Variants in ATP13A2 observed in about 807,000 individuals in gnomAD.
The protein encoded by ATP13A2 is ATPase cation transporting 13A2.
A neutral mutation model predicts 138.3 loss-of-function variants in ATP13A2; 83 were observed. That is an observed-to-expected ratio of 0.60 (90% CI 0.50 to 0.72). The LOEUF is 0.72. Ranked by LOEUF, ATP13A2 falls within the 30% of genes least tolerant of loss-of-function variation. ATP13A2 has a pLI of 0.00. For missense variants in ATP13A2, 1,402 were observed against 1,606.4 expected, an observed-to-expected ratio of 0.87 and a Z score of 2.17; for synonymous variants, 663 against 699.0, an observed-to-expected ratio of 0.95 and a Z score of 0.81.
In ATP13A2 at chr1:16,997,012, G is replaced by A. The variant is rs2077152471; in HGVS notation, c.1195+8C>T. 6.2e-7 allele frequency: 1 copy of A among 1,610,942 alleles called. No individual in the cohort carries two copies. The highest frequency in any genetic ancestry group is 1.3e-5 in the African/African-American group (1 of 74,840). Reference sequence around the variant, plus strand: ...GATCTCTCTCAAGCCCAGCCTCCCGGCTCATACCTGTGCGGGTCACCACTG... The same window carrying A: ...GATCTCTCTCAAGCCCAGCCTCCCGACTCATACCTGTGCGGGTCACCACTG... On this transcript the variant is annotated splice_region_variant and intron_variant, in intron 12 of 28. Transcript: ENST00000326735.
At chr1:17,002,273 C>T in intron 7 of ATP13A2, 23 bp downstream of exon 7, 1 of 1,611,048 alleles carries the variant, frequency 6.2e-7, no homozygotes, top group Non-Finnish European at 8.5e-7. Flanking sequence ...TCTCAGGGCA[C>T]CCCGGTCCAG....
rs1182341957 is a variant in ATP13A2, at chr1:17,011,530, C to T, written c.10+199G>A. On this transcript the variant is annotated intron_variant, in intron 1 of 28. Coordinates refer to ENST00000326735, the MANE Select transcript of ATP13A2 (RefSeq NM_022089.4). This position sits in a 1 kb window ranked among gnomAD's most constrained non-coding sequence, Gnocchi z 7.3. The stretch of plus-strand genomic sequence containing the variant: ...CGAGCGGCGGCGCCATCCCCAGCCC[C>T]GGCGTCTCTGGGAAGAAACCGGGGC... Among the ~76,000 whole-genome samples, 1 of 152,162 alleles carries T rather than the reference C, an allele frequency of 6.6e-6. No individual in the cohort carries two copies. The highest frequency in any genetic ancestry group is 6.5e-5 in the Admixed American group (1 of 15,284).
rs569661999 is a variant in ATP13A2, at chr1:17,004,944, C to T, written c.347+70G>A. On this transcript the variant is annotated intron_variant, in intron 4 of 28. Coordinates refer to ENST00000326735, the MANE Select transcript of ATP13A2 (RefSeq NM_022089.4). This position sits in a 1 kb window ranked among gnomAD's most constrained non-coding sequence, Gnocchi z 4.1. ...CCAGAGTCAGCCTTTATGGGGGGGC[C>T]GAGGGTTGGGGAAGTTGGGGAGGCC... 1.4e-5 allele frequency: 22 copies of T among 1,611,448 alleles called. No individual in the cohort carries two copies. In the South Asian group the frequency reaches 1.5e-4, roughly 11 times the overall value.
At chr1:16,988,037 C>T in intron 25 of ATP13A2, 101 bp downstream of exon 25, 1 of 1,080,386 alleles carries the variant, frequency 9.3e-7, no homozygotes, top group Non-Finnish European at 1.4e-6. Context: ...GGATCTGGGC[C>T]CACGTCATCT....
Position 16,986,959 on chromosome 1 carries a change from G to C in ATP13A2, c.3084-3C>G. On this transcript the variant is annotated splice_polypyrimidine_tract_variant and splice_region_variant and intron_variant, in intron 26 of 28. Transcript: ENST00000326735. The surrounding 1 kb of genome is among the most constrained non-coding windows in gnomAD (Gnocchi z 6.9). ...CTGTCCTGTTCAGAGGCACGAACCTGGGGGTACAGGGATGGGGGTCAGGGA... is the reference window on the plus strand; with the variant it reads ...CTGTCCTGTTCAGAGGCACGAACCTCGGGGTACAGGGATGGGGGTCAGGGA... The C allele has an allele frequency of 6.2e-7, 1 of 1,613,384 alleles. No homozygotes were observed. Among genetic ancestry groups the C allele is most frequent in the Non-Finnish European group, 8.5e-7 (1 of 1,179,824 alleles).
chr1:16,987,497 T>C (rs1431124785), intron 25 of ATP13A2, among the ~76,000 whole-genome samples: 1 of 152,160 alleles, frequency 6.6e-6, no homozygotes, highest in Admixed American at 6.5e-5. Flanking sequence ...CTTGGGGGCC[T>C]AAATCTGAGG....
chr1:17,003,230 C>G (rs542899838), intron 6 of ATP13A2, among the ~76,000 whole-genome samples: 9 of 152,264 alleles, frequency 5.9e-5, no homozygotes, highest in African/African-American at 2.2e-4. Flanking sequence ...GCCCTTGAGC[C>G]CTTGTCTGGG....
Position 16,991,801 on chromosome 1 carries a change from C to T in ATP13A2, c.2184G>A (p.Leu728=). The change falls in exon 20 of 29, where the codon CTG becomes CTA. Residue 728 remains leucine, a synonymous_variant. Transcript: ENST00000326735. The part of the protein sequence containing the change: ...LLGLLVMRNL[L]KPQTTPVIQA... ...GGATAACTGGCGTTGTCTGCGGCTT[C>T]AGTAGGTTCCTCATGACCAGCAGCC... 6.2e-7 allele frequency: 1 copy of T among 1,614,156 alleles called. No homozygotes were observed. Among genetic ancestry groups the T allele is most frequent in the Non-Finnish European group, 8.5e-7 (1 of 1,180,036 alleles).
chr1:17,000,290 A>G lies in ATP13A2; in HGVS notation c.863T>C (p.Met288Thr). Residue 288 changes from methionine to threonine, a missense_variant, in exon 10 of 29, where the codon ATG becomes ACG. Physicochemically the swap from Met to Thr is moderately conservative, Grantham distance 81. Coordinates refer to ENST00000326735, the MANE Select transcript of ATP13A2 (RefSeq NM_022089.4). ...GCACACCCGCATGGACAACTTGACC[A>G]TGTCCCTTAGAGTCTGGCTTTGCTG... ...TRKQSQTLRDMVKLSMRVCVC... is the reference protein window; with the variant it reads ...TRKQSQTLRDTVKLSMRVCVC... 2 of 1,578,940 alleles carry G rather than the reference A, an allele frequency of 1.3e-6. No individual in the cohort carries two copies. The highest frequency in any genetic ancestry group is 1.7e-6 in the Non-Finnish European group (2 of 1,162,928).
rs41273157 is a variant in ATP13A2, at chr1:17,004,983, C to T, written c.347+31G>A. On this transcript the variant is annotated intron_variant, in intron 4 of 28. Transcript: ENST00000326735. This position sits in a 1 kb window ranked among gnomAD's most constrained non-coding sequence, Gnocchi z 4.1. ...GTTGGGGAGGCCAGGGTAGCAGGGG[C>T]TTCTGGGAAGGGGCAATGGGGCTGC... 0.019 allele frequency: 30,794 copies of T among 1,613,288 alleles called. 373 individuals carry two copies. Among genetic ancestry groups the T allele is most frequent in the South Asian group, 0.023 (2,084 of 91,036 alleles).
Position 16,996,173 on chromosome 1 carries a change from G to C in ATP13A2, c.1354-9C>G. 3 of 1,614,138 alleles carry C rather than the reference G, an allele frequency of 1.9e-6. No individual in the cohort carries two copies. Among genetic ancestry groups the C allele is most frequent in the South Asian group, 1.1e-5 (1 of 91,084 alleles). ...ATCTCATTCAGAGGCACCTGGCAGG[G>C]GGCACCATGAATGTGAGCACCTGGC... On this transcript the variant is annotated splice_polypyrimidine_tract_variant and intron_variant, in intron 14 of 28. Transcript: ENST00000326735.
Position 17,005,848 on chromosome 1 carries a change from C to T in ATP13A2, c.11-70G>A, listed in dbSNP as rs918672292. 29 of 1,470,534 alleles carry T rather than the reference C, an allele frequency of 2.0e-5. No individual in the cohort carries two copies. The African/African-American group carries it at 3.1e-4, about 16-fold the overall frequency. 91.1% of individuals were successfully genotyped at this position (1,470,534 alleles called of 1,614,324 possible). On this transcript the variant is annotated intron_variant, in intron 1 of 28. Transcript: ENST00000326735. ...CTCTTGCTTCCTTAAAAACAATAAA[C>T]ATCAGCCTGGGCGCGGTGGCTCACG...
At chr1:16,996,905 CA>C (rs1468144953) in intron 12 of ATP13A2, 114 bp downstream of exon 12, 3 of 1,328,984 alleles carry the variant, frequency 2.3e-6, no homozygotes, top group Non-Finnish European at 3.1e-6. Flanking sequence ...CACAGCAGGG[CA>C]GCAGCAGAGG....
intron 7 of ATP13A2, 90 bp from the exon 8 acceptor site, chr1:17,002,193 G>A (rs2077384241): frequency 6.4e-7 from 1 of 1,574,518 alleles, no homozygotes; most frequent in South Asian, 1.1e-5. Flanking sequence ...TCAGCTGGGG[G>A]AACTGAGGCC....
rs778562581 is a variant in ATP13A2 at position 16,988,208 on chromosome 1, G to A, written c.2789C>T (p.Ser930Leu). 6.8e-6 allele frequency: 11 copies of A among 1,614,184 alleles called. No homozygotes were observed. Among genetic ancestry groups the A allele is most frequent in the Non-Finnish European group, 8.5e-6 (10 of 1,180,022 alleles). The change falls in exon 25 of 29, where the codon TCG becomes TTG. Residue 930 changes from serine (S) to leucine (L), a missense_variant. Ser to Leu is a moderately radical substitution (Grantham distance 145). Transcript: ENST00000326735. ...AGCCATGTACTTGAAGACGCTGAAC[G>A]AAGTGTCAAGGGAACAGCGCCCCTC... ...IREGRCSLDT[S>L]FSVFKYMALY...
rs148275181 is a variant in ATP13A2 at position 16,991,795 on chromosome 1, C to T, written c.2190G>A (p.Pro730=). The T allele has an allele frequency of 1.5e-5, 25 of 1,614,024 alleles. No individual in the cohort carries two copies. The highest frequency in any genetic ancestry group is 8.0e-5 in the African/African-American group (6 of 74,934). ...GLLVMRNLLK[P]QTTPVIQALR... Reference sequence around the variant, plus strand: ...GAGCCTGGATAACTGGCGTTGTCTGCGGCTTCAGTAGGTTCCTCATGACCA... The same window carrying T: ...GAGCCTGGATAACTGGCGTTGTCTGTGGCTTCAGTAGGTTCCTCATGACCA... The change falls in exon 20 of 29, where the codon CCG becomes CCA. Residue 730 remains proline (P), a synonymous_variant. Coordinates refer to ENST00000326735, the MANE Select transcript of ATP13A2 (RefSeq NM_022089.4).
At chr1:16,988,088 C>T in intron 25 of ATP13A2, 50 bp downstream of exon 25, 2 of 1,542,792 alleles carry the variant, frequency 1.3e-6, no homozygotes, top group Non-Finnish European at 9.0e-7. Context: ...GGCTGTGTCC[C>T]CTCCCTAGTC....
chr1:16,997,789 C>A (rs571552134), intron 11 of ATP13A2, among the ~76,000 whole-genome samples: 1 of 147,360 alleles, frequency 6.8e-6, no homozygotes, highest in South Asian at 2.2e-4. Context: ...TGCAGTGAGC[C>A]GAGATCGTGC....
At position 16,986,121 on chromosome 1, in the gene ATP13A2, A is replaced by C. The variant is rs1415742468; in HGVS notation, c.*100T>G. The C allele has an allele frequency of 1.3e-6, 2 of 1,589,596 alleles. No homozygotes were observed. Among genetic ancestry groups the C allele is most frequent in the African/African-American group, 2.7e-5 (2 of 74,470 alleles). On this transcript the variant is annotated 3_prime_UTR_variant, in exon 29 of 29. Transcript: ENST00000326735. This position sits in a 1 kb window ranked among gnomAD's most constrained non-coding sequence, Gnocchi z 6.9. ...AGGAGTGTAGACAGTCGCCAACCTC[A>C]GGGATGTGGGAGGTGGTGGCGGTGG...
Sources: allele counts gnomAD v4.1 joint callset (sites outside exome capture counted in the v4.1 genomes callset), GRCh38; gene constraint gnomAD v4.1.1; non-coding constraint Gnocchi (gnomAD v3.1); transcripts MANE v1.5; gene names NCBI Gene and HGNC (gene_info 2026-07-23, HGNC 2026-07-21).